NEGR1: variants seen among roughly 807,000 people sequenced by gnomAD.
The protein encoded by NEGR1 is IgLON family member 4.
A neutral mutation model predicts 40.9 loss-of-function variants in NEGR1; 10 were observed. The ratio of observed to expected loss-of-function variants is 0.24; its 90% CI spans 0.15 to 0.42. The LOEUF is 0.42. Ranked by LOEUF, NEGR1 falls within the 10% of genes least tolerant of loss-of-function variation. NEGR1 has a pLI of 1.00. For synonymous variants in NEGR1, 185 were observed against 166.8 expected (o/e 1.11, Z -0.84); for missense variants, 352 against 438.9 (o/e 0.80, Z 1.77).
chr1:71,599,566 A>T (rs1301431049), intron 5 of NEGR1, among the ~76,000 whole-genome samples: 1 of 152,236 alleles, frequency 6.6e-6, no homozygotes, highest in East Asian at 1.9e-4. Flanking sequence ...CTTGAAAACA[A>T]TATGATATCA....
At chr1:71,566,544 A>G (rs1480032777) in intron 6 of NEGR1, among the ~76,000 whole-genome samples, 2 of 152,200 alleles carry the variant, frequency 1.3e-5, no homozygotes, top group African/African-American at 4.8e-5. Flanking sequence ...TAGATTAGGT[A>G]ACAGGCTAGT....
chr1:71,425,955 C>T lies in NEGR1; in HGVS notation c.941-18385G>A, dbSNP rs571435876. ...GTCCTTTGGTTTAGCACAACCTCTT[C>T]TTTTCCCAGCAATCACACTCCTACA... On this transcript the variant is annotated intron_variant, in intron 6 of 6. Coordinates refer to ENST00000357731, the MANE Select transcript of NEGR1 (RefSeq NM_173808.3). Among the ~76,000 whole-genome samples the T allele has an allele frequency of 2.0e-5, 3 of 152,266 alleles. No homozygotes were observed. In the East Asian group the frequency reaches 5.8e-4, roughly 29 times the overall value.
chr1:71,435,576 T>C (rs1197450697), intron 6 of NEGR1, among the ~76,000 whole-genome samples: 2 of 151,988 alleles, frequency 1.3e-5, no homozygotes, highest in Non-Finnish European at 2.9e-5. Context: ...GAAAGAGAAT[T>C]GAGCAGCAAG....
At chr1:72,067,545 TACAG>T (rs1237669437) in intron 1 of NEGR1, among the ~76,000 whole-genome samples, 8 of 152,146 alleles carry the variant, frequency 5.3e-5, no homozygotes, top group Admixed American at 4.6e-4. Context: ...TACCATAATT[TACAG>T]ACAACTTATT....
At chr1:72,194,561 A>G (rs1652934518) in intron 1 of NEGR1, among the ~76,000 whole-genome samples, 1 of 152,008 alleles carries the variant, frequency 6.6e-6, no homozygotes, top group African/African-American at 2.4e-5. Flanking sequence ...TCTGGGGGAT[A>G]GTAAAAACTG....
intron 1 of NEGR1, among the ~76,000 whole-genome samples, chr1:71,945,787 T>G (rs1256138635): frequency 6.6e-6 from 1 of 152,192 alleles, no homozygotes; most frequent in Non-Finnish European, 1.5e-5. Flanking sequence ...ATTTAATAGT[T>G]GCAAAATTGA....
chr1:71,934,987 A>C, intron 2 of NEGR1, 92 bp downstream of exon 2: 1 of 732,942 alleles, frequency 1.4e-6, no homozygotes, highest in Non-Finnish European at 2.3e-6. Flanking sequence ...ATATTTCAAC[A>C]TTGTTAACTG....
At chr1:71,449,281 C>T (rs1296108760) in intron 6 of NEGR1, among the ~76,000 whole-genome samples, 1 of 152,204 alleles carries the variant, frequency 6.6e-6, no homozygotes, top group African/African-American at 2.4e-5. Flanking sequence ...GCTAACCTCA[C>T]TTGATTTGAC....
At chr1:71,699,500 A>G (rs1375715263) in intron 3 of NEGR1, among the ~76,000 whole-genome samples, 1 of 151,892 alleles carries the variant, frequency 6.6e-6, no homozygotes, top group Non-Finnish European at 1.5e-5. Context: ...TCACTATTAT[A>G]ACGAAGATAC....
intron 3 of NEGR1, among the ~76,000 whole-genome samples, chr1:71,762,285 G>A (rs12566585): frequency 0.38 from 56,666 of 148,758 alleles, 11,021 homozygotes; most frequent in East Asian, 0.6. Flanking sequence ...AACAGAAAAA[G>A]AAAAAAGAAA....
At chr1:71,867,249 C>G (rs959037482) in intron 2 of NEGR1, among the ~76,000 whole-genome samples, 3 of 152,074 alleles carry the variant, frequency 2.0e-5, no homozygotes, top group African/African-American at 7.2e-5. Flanking sequence ...TGGCCCGTGC[C>G]TATAATCCCA....
At chr1:71,625,801 T>C (rs1034591573) in intron 4 of NEGR1, among the ~76,000 whole-genome samples, 2 of 151,974 alleles carry the variant, frequency 1.3e-5, no homozygotes, top group Non-Finnish European at 2.9e-5. Context: ...TAATGCAATG[T>C]CTGCATATAT....
intron 6 of NEGR1, among the ~76,000 whole-genome samples, chr1:71,584,010 A>C (rs1482757661): frequency 6.6e-6 from 1 of 152,194 alleles, no homozygotes; most frequent in Non-Finnish European, 1.5e-5. Context: ...AATAGGCTAA[A>C]ATTCGGAAAA....
chr1:71,486,579 C>T (rs143200430), intron 6 of NEGR1: 73 of 151,534 alleles, frequency 4.8e-4, no homozygotes, highest in African/African-American at 1.7e-3. Context: ...CAAAGTAGAT[C>T]TTACCCTTTT....
intron 1 of NEGR1, among the ~76,000 whole-genome samples, chr1:72,268,488 T>C (rs1655727068): frequency 6.6e-6 from 1 of 151,406 alleles, no homozygotes; most frequent in South Asian, 2.1e-4. Flanking sequence ...CAATGTAAAT[T>C]CAATAGATGG....
rs576049924 is a variant in NEGR1, at chr1:71,601,129, C to T, written c.789-8161G>A. ...TAACTGCATATCTAATACTCTAAGC[C>T]ATATTTTAACTTTCCCATCCATTTC... On this transcript the variant is annotated intron_variant, in intron 5 of 6. Transcript: ENST00000357731. Among the ~76,000 whole-genome samples the T allele has an allele frequency of 2.0e-5, 3 of 152,264 alleles. No homozygotes were observed. The South Asian group carries it at 6.2e-4, about 32-fold the overall frequency.
chr1:71,449,994 T>G lies in NEGR1; in HGVS notation c.941-42424A>C, dbSNP rs569696629. Among the ~76,000 whole-genome samples, 43 of 77,120 alleles carry G rather than the reference T, an allele frequency of 5.6e-4. No homozygotes were observed. The East Asian group carries it at 0.011, about 20-fold the overall frequency. The allele number at this position is 77,120 out of a possible 152,430, so 50.6% of individuals were successfully genotyped here. ...GACATTTTTGGAATTTTATATAGATTTTTTTTTTTTTTTTGAGACGGAGTC... is the reference window on the plus strand; with the variant it reads ...GACATTTTTGGAATTTTATATAGATGTTTTTTTTTTTTTTGAGACGGAGTC... On this transcript the variant is annotated intron_variant, in intron 6 of 6. Transcript: ENST00000357731.
intron 3 of NEGR1, among the ~76,000 whole-genome samples, chr1:71,768,948 C>T (rs1410470718): frequency 6.6e-6 from 1 of 152,118 alleles, no homozygotes; most frequent in African/African-American, 2.4e-5. Context: ...GTAAGACATG[C>T]CTACTTCCCC....
intron 1 of NEGR1, among the ~76,000 whole-genome samples, chr1:72,042,205 A>G (rs932258925): frequency 1.3e-5 from 2 of 151,600 alleles, no homozygotes; most frequent in African/African-American, 4.8e-5. Context: ...CAAGGTGGTC[A>G]TGTTGGAATT....
Sources: allele counts gnomAD v4.1 joint callset (sites outside exome capture counted in the v4.1 genomes callset), GRCh38; gene constraint gnomAD v4.1.1; transcripts MANE v1.5; gene names NCBI Gene and HGNC (gene_info 2026-07-23, HGNC 2026-07-21).